ARMH3: variants seen among roughly 807,000 people sequenced by gnomAD.
ARMH3 encodes armadillo like helical domain containing 3, also known as armadillo-like helical domain-containing protein 3.
ARMH3 carries 60 observed loss-of-function variants against 99.1 expected under a neutral mutation model. That is an observed-to-expected ratio of 0.61 (90% CI 0.49 to 0.75). ARMH3 has a LOEUF of 0.75. Ranked by LOEUF, ARMH3 falls within the 30% of genes least tolerant of loss-of-function variation. The pLI, the probability that ARMH3 is intolerant of heterozygous loss-of-function variation, is 0.00. For synonymous variants in ARMH3, 285 were observed against 292.8 expected (o/e 0.97, Z 0.27); for missense variants, 679 against 843.1 (o/e 0.81, Z 2.41).
At chr10:101,962,182 A>G (rs1454832499) in intron 20 of ARMH3, among the ~76,000 whole-genome samples, 1 of 152,224 alleles carries the variant, frequency 6.6e-6, no homozygotes, top group East Asian at 1.9e-4. Flanking sequence ...GTCGCAGAGA[A>G]TATCCTTTTG....
chr10:102,033,112 T>A lies in ARMH3; in HGVS notation c.220A>T (p.Ile74Phe). The change falls in exon 4 of 26, where the codon ATC becomes TTC. Residue 74 changes from isoleucine to phenylalanine, a missense_variant. Ile to Phe is a conservative substitution (Grantham distance 21). Coordinates refer to ENST00000370033, the MANE Select transcript of ARMH3 (RefSeq NM_024541.3). ...ESLDGEELMKIKDNINCLFQH... is the reference protein window; with the variant it reads ...ESLDGEELMKFKDNINCLFQH... ...AATAAGCAATTAATATTGTCCTTGATCTTCATTAACTCCTCACCATCAAGA... is the reference window on the plus strand; with the variant it reads ...AATAAGCAATTAATATTGTCCTTGAACTTCATTAACTCCTCACCATCAAGA... 2 of 1,614,220 alleles carry A rather than the reference T, an allele frequency of 1.2e-6. No individual in the cohort carries two copies. Among genetic ancestry groups the A allele is most frequent in the Non-Finnish European group, 1.7e-6 (2 of 1,180,032 alleles).
At chr10:101,877,593 T>C (rs548014896) in intron 24 of ARMH3, among the ~76,000 whole-genome samples, 1 of 152,044 alleles carries the variant, frequency 6.6e-6, no homozygotes, top group Admixed American at 6.5e-5. Context: ...GAGGTGGAGG[T>C]TGCAGTGAGC....
intron 23 of ARMH3, among the ~76,000 whole-genome samples, chr10:101,890,332 C>A (rs1177490298): frequency 2.0e-5 from 3 of 152,066 alleles, no homozygotes; most frequent in Non-Finnish European, 2.9e-5. Context: ...CATCCTTAAC[C>A]TCCCAGGCTC....
intron 1 of ARMH3, among the ~76,000 whole-genome samples, chr10:102,046,347 A>AG (rs2067552015): frequency 6.6e-6 from 1 of 151,698 alleles, no homozygotes; most frequent in Non-Finnish European, 1.5e-5. Context: ...AAAAAGAAAA[A>AG]AAAAAGAAAA....
At chr10:102,044,518 G>A (rs1312570196) in intron 1 of ARMH3, among the ~76,000 whole-genome samples, 6 of 151,960 alleles carry the variant, frequency 3.9e-5, no homozygotes, top group South Asian at 4.2e-4. Context: ...CTATAGGTGC[G>A]CGCCACCACA....
chr10:101,897,911 G>A (rs1335136746), intron 23 of ARMH3, among the ~76,000 whole-genome samples: 1 of 152,158 alleles, frequency 6.6e-6, no homozygotes, highest in Non-Finnish European at 1.5e-5. Flanking sequence ...ACAGTAAACC[G>A]GCTGGGGATT....
intron 19 of ARMH3, among the ~76,000 whole-genome samples, chr10:101,989,324 T>C (rs1846660984): frequency 6.6e-6 from 1 of 151,926 alleles, no homozygotes; most frequent in African/African-American, 2.4e-5. Context: ...TGCTTGAGCC[T>C]AGGAGTTGAA....
At chr10:101,864,746 G>A (rs2135333553) in intron 24 of ARMH3, among the ~76,000 whole-genome samples, 1 of 152,228 alleles carries the variant, frequency 6.6e-6, no homozygotes, top group East Asian at 1.9e-4. Context: ...TCTGTTGCAG[G>A]CTGGGGAGAG....
At chr10:102,026,838 T>G (rs1159239258) in intron 5 of ARMH3, among the ~76,000 whole-genome samples, 1 of 152,164 alleles carries the variant, frequency 6.6e-6, no homozygotes, top group Admixed American at 6.5e-5. Context: ...TCAGTGTGGA[T>G]GATGGATTTA....
intron 23 of ARMH3, among the ~76,000 whole-genome samples, chr10:101,899,901 A>C (rs963437929): frequency 6.6e-6 from 1 of 152,182 alleles, no homozygotes; most frequent in Admixed American, 6.6e-5. Context: ...CAAGAAGGAT[A>C]AACTACTGAC....
chr10:102,008,397 A>C (rs1039500126), intron 13 of ARMH3, among the ~76,000 whole-genome samples: 36 of 152,160 alleles, frequency 2.4e-4, no homozygotes, highest in African/African-American at 7.0e-4. Context: ...ATTTTTTAAA[A>C]TGGCTTTCAT....
At chr10:101,928,489 T>C (rs954280376) in intron 23 of ARMH3, among the ~76,000 whole-genome samples, 2 of 152,010 alleles carry the variant, frequency 1.3e-5, no homozygotes, top group Admixed American at 1.3e-4. Flanking sequence ...CCTACCTTAG[T>C]GGGAGAAAAC....
At position 101,975,244 on chromosome 10, in the gene ARMH3, C is replaced by G; in HGVS notation, c.1463G>C (p.Arg488Pro). ...LLCYQKKCRV[R>P]LHYTWRELWS... is the part of the protein sequence containing the mutation. ...GAGCTCCCGCCAGGTGTAATGCAGG[C>G]GTACCCGACACTTCTTCTGGTAGCA... Residue 488 changes from arginine (R) to proline (P), a missense_variant, in exon 20 of 26, where the codon CGC becomes CCC. This residue lies in a region of ARMH3 where 389 missense variants were observed against 456.5 expected (regional missense o/e 0.85). Coordinates refer to ENST00000370033, the MANE Select transcript of ARMH3 (RefSeq NM_024541.3). 1 of 1,612,056 alleles carries G rather than the reference C, an allele frequency of 6.2e-7. No homozygotes were observed. Among genetic ancestry groups the G allele is most frequent in the Non-Finnish European group, 8.5e-7 (1 of 1,178,786 alleles).
chr10:102,012,717 A>T, intron 10 of ARMH3, 116 bp downstream of exon 10: 1 of 924,978 alleles, frequency 1.1e-6, no homozygotes, highest in East Asian at 2.8e-5. Flanking sequence ...CAGGGGCTGT[A>T]CATCTGAATA....
chr10:101,892,230 A>T (rs979162501), intron 23 of ARMH3, among the ~76,000 whole-genome samples: 1 of 152,100 alleles, frequency 6.6e-6, no homozygotes, highest in Non-Finnish European at 1.5e-5. Context: ...GGATTACTTG[A>T]ACCCAGGAGT....
intron 22 of ARMH3, among the ~76,000 whole-genome samples, chr10:101,948,526 A>G (rs1844650510): frequency 6.6e-6 from 1 of 152,242 alleles, no homozygotes; most frequent in South Asian, 2.1e-4. Flanking sequence ...ATATTATATA[A>G]TGATAAAAGA....
intron 13 of ARMH3, 147 bp downstream of exon 13, chr10:102,009,227 C>T: frequency 1.4e-6 from 1 of 720,532 alleles, no homozygotes; most frequent in Non-Finnish European, 2.4e-6. Flanking sequence ...CAGCAGGAAA[C>T]AAAGGCAACT....
At chr10:102,027,235 C>T (rs2067020100) in intron 5 of ARMH3, among the ~76,000 whole-genome samples, 1 of 147,268 alleles carries the variant, frequency 6.8e-6, no homozygotes, top group East Asian at 2.0e-4. Context: ...GCCGAGATTG[C>T]ACCACTGGAC....
chr10:101,915,950 C>T (rs1843067860), intron 23 of ARMH3, among the ~76,000 whole-genome samples: 1 of 151,926 alleles, frequency 6.6e-6, no homozygotes, highest in African/African-American at 2.4e-5. Flanking sequence ...ACTACAGGCG[C>T]CCACCACGGC....
Sources: gnomAD v4.1 joint callset for allele counts (sites outside exome capture counted in the v4.1 genomes callset) on GRCh38, gnomAD v4.1.1 for gene constraint, gnomAD v4.1.1 regional missense constraint, MANE v1.5 for transcripts, NCBI Gene and HGNC (gene_info 2026-07-23, HGNC 2026-07-21) for gene names.